DMXL1: variants seen among roughly 807,000 people sequenced by gnomAD.
The protein encoded by DMXL1 is Dmx like 1, also known as dmX-like protein 1.
Under a neutral mutation model 319.2 loss-of-function variants are expected in DMXL1, and 99 were observed. The ratio of observed to expected loss-of-function variants is 0.31; its 90% confidence interval spans 0.26 to 0.37. The LOEUF is 0.37. Ranked by LOEUF, DMXL1 falls within the 10% of genes least tolerant of loss-of-function variation. The pLI, the probability that DMXL1 is intolerant of heterozygous loss-of-function variation, is 1.00. For synonymous variants in DMXL1, 1,385 were observed against 1,235.2 expected (o/e 1.12, Z -2.54); for missense variants, 3,745 against 3,595.6 (o/e 1.04, Z -1.06).
In DMXL1 at chr5:119,208,447, C is replaced by A. The variant is rs529718664; in HGVS notation, c.7926+1551C>A. Among the ~76,000 whole-genome samples, 4 of 152,266 alleles carry A rather than the reference C, an allele frequency of 2.6e-5. No individual in the cohort carries two copies. The South Asian group carries it at 8.3e-4, about 32-fold the overall frequency. On this transcript the variant is annotated intron_variant, in intron 34 of 43. Transcript: ENST00000539542. The stretch of plus-strand genomic sequence containing the variant: ...CCGGCTGGTCTTGAACTCCCAACGT[C>A]AGGTGATCTGCCTGCCTTGGCCTCC...
chr5:119,152,295 C>CA (rs1252189303), intron 19 of DMXL1, among the ~76,000 whole-genome samples: 11 of 152,088 alleles, frequency 7.2e-5, no homozygotes, highest in African/African-American at 2.7e-4. Flanking sequence ...ATGATATGTT[C>CA]AAGGCAAATT....
chr5:119,115,160 A>T (rs945761828), intron 6 of DMXL1, among the ~76,000 whole-genome samples: 4 of 152,192 alleles, frequency 2.6e-5, no homozygotes, highest in Admixed American at 6.5e-5. Flanking sequence ...AAAAACACCT[A>T]CCTCATAGGT....
In DMXL1 at chr5:119,248,803, A is replaced by G. The variant is rs558742917; in HGVS notation, c.*1584A>G. ...GTAGAGAGTTTATATGCACATAATAACCTGTACCTATAAATCGTGCAATAA... is the reference window on the plus strand; with the variant it reads ...GTAGAGAGTTTATATGCACATAATAGCCTGTACCTATAAATCGTGCAATAA... On this transcript the variant is annotated 3_prime_UTR_variant, in exon 44 of 44. Transcript: ENST00000539542. The G allele has an allele frequency of 6.6e-6, 1 of 152,664 alleles. No individual in the cohort carries two copies. The highest frequency in any genetic ancestry group is 2.1e-4 in the South Asian group (1 of 4,830). The allele number at this position is 152,664 out of a possible 1,614,324, so 9.5% of individuals were successfully genotyped here.
intron 34 of DMXL1, among the ~76,000 whole-genome samples, chr5:119,212,272 A>G (rs1386551282): frequency 6.6e-6 from 1 of 152,148 alleles, no homozygotes; most frequent in East Asian, 1.9e-4. Flanking sequence ...GAATTTTACT[A>G]TCCCTAGGTA....
At chr5:119,141,918 C>T (rs1201609721) in intron 13 of DMXL1, among the ~76,000 whole-genome samples, 6 of 151,954 alleles carry the variant, frequency 3.9e-5, no homozygotes, top group African/African-American at 1.5e-4. Flanking sequence ...AAAACAGGCA[C>T]ATTGACCAAT....
intron 1 of DMXL1, among the ~76,000 whole-genome samples, chr5:119,077,634 CTT>C (rs1051388359): frequency 0.04 from 2,841 of 70,576 alleles, 112 homozygotes; most frequent in African/African-American, 0.14. Flanking sequence ...CCATTCCTGG[CTT>C]TTTTTTTTTT....
At chr5:119,131,452 A>C (rs1235584957) in intron 10 of DMXL1, among the ~76,000 whole-genome samples, 2 of 152,204 alleles carry the variant, frequency 1.3e-5, no homozygotes, top group African/African-American at 4.8e-5. Context: ...ACCAGTTACA[A>C]GTCCATACAC....
intron 34 of DMXL1, among the ~76,000 whole-genome samples, chr5:119,208,013 TA>T (rs1782055945): frequency 6.6e-6 from 1 of 152,184 alleles, no homozygotes; most frequent in African/African-American, 2.4e-5. Context: ...TGCAATTAAT[TA>T]AAAAGCCTGA....
intron 26 of DMXL1, among the ~76,000 whole-genome samples, chr5:119,176,306 T>C (rs1356409321): frequency 6.6e-6 from 1 of 152,050 alleles, no homozygotes; most frequent in Non-Finnish European, 1.5e-5. Flanking sequence ...ATTTCTTACA[T>C]GGTGTCAGCC....
rs2150313799 is a variant in DMXL1, at chr5:119,178,108, T to C, written c.6999T>C (p.His2333=). 1 of 1,614,050 alleles carries C rather than the reference T, an allele frequency of 6.2e-7. No individual in the cohort carries two copies. The highest frequency in any genetic ancestry group is 8.5e-7 in the Non-Finnish European group (1 of 1,179,902). Reference sequence around the variant, plus strand: ...CAGTGTATCTTAGTCTCTTCATCCATGGCCTGGCCACACATTCAAGTAATG... The same window carrying C: ...CAGTGTATCTTAGTCTCTTCATCCACGGCCTGGCCACACATTCAAGTAATG... ...LTAVYLSLFI[H]GLATHSSNEL... Residue 2333 remains histidine (H), a synonymous_variant, in exon 28 of 44, where the codon CAT becomes CAC. Coordinates refer to ENST00000539542, the MANE Select transcript of DMXL1 (RefSeq NM_001290321.3).
chr5:119,092,310 G>T (rs188132920), intron 1 of DMXL1, among the ~76,000 whole-genome samples: 1 of 150,818 alleles, frequency 6.6e-6, no homozygotes, highest in Non-Finnish European at 1.5e-5. Context: ...TTTTCACATA[G>T]GGTCTTGCTG....
chr5:119,088,335 T>C (rs935907927), intron 1 of DMXL1, among the ~76,000 whole-genome samples: 1 of 152,196 alleles, frequency 6.6e-6, no homozygotes, highest in Non-Finnish European at 1.5e-5. Context: ...AGTCTGTGTA[T>C]GCTTTTGTTG....
intron 13 of DMXL1, among the ~76,000 whole-genome samples, chr5:119,140,146 C>T (rs1291239759): frequency 6.6e-6 from 1 of 152,100 alleles, no homozygotes; most frequent in African/African-American, 2.4e-5. Context: ...ATTTATAGTA[C>T]TAAATGCCCA....
chr5:119,120,861 A>T, intron 8 of DMXL1, 110 bp from the exon 9 acceptor site: 2 of 866,002 alleles, frequency 2.3e-6, no homozygotes, highest in Non-Finnish European at 3.3e-6. Flanking sequence ...CATATAAAAC[A>T]TGTAAAATGT....
intron 9 of DMXL1, among the ~76,000 whole-genome samples, chr5:119,126,246 G>T (rs1271102632): frequency 6.6e-6 from 1 of 152,108 alleles, no homozygotes; most frequent in African/African-American, 2.4e-5. Context: ...TTGCGCCATT[G>T]CCCTCCACCC....
At chr5:119,076,064 A>G (rs1301665357) in intron 1 of DMXL1, among the ~76,000 whole-genome samples, 2 of 152,110 alleles carry the variant, frequency 1.3e-5, no homozygotes, top group Non-Finnish European at 2.9e-5. Context: ...GGAAAGGGAG[A>G]TAATTTCCAA....
At chr5:119,192,378 A>C (rs1445187928) in intron 29 of DMXL1, among the ~76,000 whole-genome samples, 1 of 152,152 alleles carries the variant, frequency 6.6e-6, no homozygotes, top group Non-Finnish European at 1.5e-5. Context: ...TCAGGACAGA[A>C]ATGTGCTTTA....
Position 119,147,411 on chromosome 5 carries a change from A to C in DMXL1, c.2852A>C (p.Tyr951Ser). 1 of 1,613,620 alleles carries C rather than the reference A, an allele frequency of 6.2e-7. No individual in the cohort carries two copies. Among genetic ancestry groups the C allele is most frequent in the Non-Finnish European group, 8.5e-7 (1 of 1,179,702 alleles). ...SRLTLFSEMV[Y>S]SQELHLPEGV... ...TTGACTCTGTTTTCAGAAATGGTTTATAGCCAAGAATTGCATTTACCAGAA... is the reference window on the plus strand; with the variant it reads ...TTGACTCTGTTTTCAGAAATGGTTTCTAGCCAAGAATTGCATTTACCAGAA... Residue 951 changes from tyrosine (Y) to serine (S), a missense_variant, in exon 17 of 44, where the codon TAT becomes TCT. Around this residue, in one of 4 missense-constraint regions of DMXL1, gnomAD observed 2,096 missense variants for 1,985.4 expected, o/e 1.06. Transcript: ENST00000539542.
chr5:119,090,651 C>A (rs1046080365), intron 1 of DMXL1, among the ~76,000 whole-genome samples: 2 of 151,128 alleles, frequency 1.3e-5, no homozygotes, highest in African/African-American at 4.9e-5. Context: ...CAACCTCTGC[C>A]TCCCGTGTTC....
Sources: gnomAD v4.1 joint callset for allele counts (sites outside exome capture counted in the v4.1 genomes callset) on GRCh38, gnomAD v4.1.1 for gene constraint, gnomAD v4.1.1 regional missense constraint, MANE v1.5 for transcripts, NCBI Gene and HGNC (gene_info 2026-07-23, HGNC 2026-07-21) for gene names.